Variants in VRK2 observed in about 807,000 individuals in gnomAD.
The protein encoded by VRK2 is serine/threonine-protein kinase VRK2.
Under a neutral mutation model 57.6 loss-of-function variants are expected in VRK2, and 60 were observed. The ratio of observed to expected loss-of-function variants is 1.04; its 90% CI spans 0.85 to 1.29. VRK2 has a LOEUF of 1.29. VRK2 is among the 50% of genes most tolerant of loss of function. VRK2 has a pLI of 0.00. For missense variants in VRK2, 705 were observed against 588.1 expected, an observed-to-expected ratio of 1.20 and a Z score of -2.06; for synonymous variants, 231 against 199.2, an observed-to-expected ratio of 1.16 and a Z score of -1.35.
intron 3 of VRK2, among the ~76,000 whole-genome samples, chr2:58,040,417 T>G (rs1674410135): frequency 2.0e-5 from 3 of 152,210 alleles, no homozygotes; most frequent in Admixed American, 2.0e-4. Flanking sequence ...ACTTGTCGTG[T>G]CCACTAGCTC....
At chr2:57,974,993 C>A (rs1487836352) in intron 1 of VRK2, among the ~76,000 whole-genome samples, 2 of 149,628 alleles carry the variant, frequency 1.3e-5, no homozygotes, top group African/African-American at 4.9e-5. Context: ...ATAATTTAAA[C>A]AATATAAGTT....
chr2:57,931,198 T>A (rs1670712058), intron 1 of VRK2, among the ~76,000 whole-genome samples: 1 of 152,084 alleles, frequency 6.6e-6, no homozygotes, highest in Non-Finnish European at 1.5e-5. Flanking sequence ...TTATTTTTGA[T>A]TTTTTGAGGA....
intron 1 of VRK2, among the ~76,000 whole-genome samples, chr2:57,930,817 AC>A (rs1195824409): frequency 6.6e-6 from 1 of 152,166 alleles, no homozygotes. Flanking sequence ...TTTTTAAAAT[AC>A]CACATATAAG....
At chr2:58,075,284 T>C (rs1168804452) in intron 2 of VRK2, among the ~76,000 whole-genome samples, 2 of 152,110 alleles carry the variant, frequency 1.3e-5, no homozygotes, top group Non-Finnish European at 2.9e-5. Context: ...TTTCTTTATA[T>C]AGTTCACCAT....
intron 1 of VRK2, among the ~76,000 whole-genome samples, chr2:58,005,867 G>A (rs574069620): frequency 2.6e-5 from 4 of 152,238 alleles, no homozygotes; most frequent in Non-Finnish European, 4.4e-5. Flanking sequence ...CCTACTGGAG[G>A]GGATCTCTCC....
intron 1 of VRK2, among the ~76,000 whole-genome samples, chr2:57,999,908 C>T (rs1673039837): frequency 2.0e-5 from 3 of 151,982 alleles, no homozygotes; most frequent in Admixed American, 6.6e-5. Flanking sequence ...TTTGGGAGGT[C>T]GAGGTAGAAG....
chr2:58,047,211 C>T, intron 1 of VRK2: 1 of 247,746 alleles, frequency 4.0e-6, no homozygotes, highest in Non-Finnish European at 6.4e-6. Context: ...AGGTCCCCGG[C>T]GTGCTAAGGG....
chr2:58,060,023 A>G (rs756179854), intron 2 of VRK2, among the ~76,000 whole-genome samples: 43 of 151,882 alleles, frequency 2.8e-4, no homozygotes, highest in Non-Finnish European at 6.2e-4. Flanking sequence ...TACATCTCCA[A>G]TGTCAAATGT....
At chr2:57,997,717 A>G (rs186177058) in intron 1 of VRK2, among the ~76,000 whole-genome samples, 55 of 152,266 alleles carry the variant, frequency 3.6e-4, no homozygotes, top group Admixed American at 1.2e-3. Context: ...AGCCTGGGCA[A>G]CATGGTGAAA....
chr2:57,990,931 T>C (rs533646360), intron 1 of VRK2, among the ~76,000 whole-genome samples: 13 of 152,052 alleles, frequency 8.5e-5, no homozygotes, highest in Middle Eastern at 6.8e-3. Context: ...AACCATATGT[T>C]AAGTTTATGA....
chr2:57,917,771 T>G (rs918724808), intron 1 of VRK2, among the ~76,000 whole-genome samples: 12 of 152,098 alleles, frequency 7.9e-5, no homozygotes, highest in East Asian at 5.8e-4. Context: ...TTGAATACTT[T>G]GGAGACACAT....
rs1037803234 is a variant in VRK2, at chr2:58,118,891, G to C, written c.544-4210G>C. ...AAGGAGGTTGTTCTCTGGTGGGCAG[G>C]GGCGGGGGTCACAAGGTGCTCAGTG... On this transcript the variant is annotated intron_variant, in intron 7 of 12. Coordinates refer to ENST00000340157, the MANE Select transcript of VRK2 (RefSeq NM_006296.7). Among the ~76,000 whole-genome samples, 8 of 152,320 alleles carry C rather than the reference G, an allele frequency of 5.3e-5. No individual in the cohort carries two copies. In the South Asian group the frequency reaches 1.7e-3, roughly 32 times the overall value.
chr2:58,050,100 A>T, intron 2 of VRK2, among the ~76,000 whole-genome samples: 1 of 152,216 alleles, frequency 6.6e-6, no homozygotes, highest in East Asian at 1.9e-4. Flanking sequence ...TTCAATAGAA[A>T]TGTAATACAA....
intron 1 of VRK2, among the ~76,000 whole-genome samples, chr2:58,024,524 C>A (rs796652877): frequency 2.6e-5 from 4 of 152,028 alleles, no homozygotes; most frequent in Non-Finnish European, 4.4e-5. Context: ...GAAGAAACTC[C>A]CACTGGCTTT....
chr2:57,945,928 G>T (rs1239309004), intron 1 of VRK2, among the ~76,000 whole-genome samples: 3 of 152,146 alleles, frequency 2.0e-5, no homozygotes, highest in Non-Finnish European at 4.4e-5. Context: ...ATTTAAAATA[G>T]TAGTTCTTAA....
chr2:58,027,634 TA>T (rs1165629243), intron 2 of VRK2, among the ~76,000 whole-genome samples: 1 of 152,162 alleles, frequency 6.6e-6, no homozygotes, highest in Non-Finnish European at 1.5e-5. Flanking sequence ...CTATATAAAT[TA>T]AAATTACTTT....
intron 11 of VRK2, among the ~76,000 whole-genome samples, chr2:58,141,102 G>A (rs1201626319): frequency 6.6e-6 from 1 of 151,970 alleles, no homozygotes; most frequent in Admixed American, 6.6e-5. Context: ...TTTGATCTTG[G>A]TAATTACTGA....
At chr2:58,159,070 TA>T (rs1419741245) in intron 12 of VRK2, among the ~76,000 whole-genome samples, 3 of 152,118 alleles carry the variant, frequency 2.0e-5, no homozygotes, top group African/African-American at 7.2e-5. Context: ...TATTCTATCC[TA>T]TTTATTTTTA....
At chr2:58,157,183 T>C (rs1446361054) in intron 12 of VRK2, among the ~76,000 whole-genome samples, 1 of 152,178 alleles carries the variant, frequency 6.6e-6, no homozygotes, top group Non-Finnish European at 1.5e-5. Context: ...CTATTATTTA[T>C]TTATGGGTTT....
Sources: allele counts gnomAD v4.1 joint callset (sites outside exome capture counted in the v4.1 genomes callset), GRCh38; gene constraint gnomAD v4.1.1; transcripts MANE v1.5; gene names NCBI Gene and HGNC (gene_info 2026-07-23, HGNC 2026-07-21).